The following RGL1 variants were observed in gnomAD, a reference collection of about 807,000 sequenced individuals.
The protein encoded by RGL1 is ral guanine nucleotide dissociation stimulator-like 1.
A neutral mutation model predicts 95.2 loss-of-function variants in RGL1; 24 were observed. The observed-to-expected ratio is 0.25, with a 90% CI of 0.18 to 0.35. The LOEUF (loss-of-function observed/expected upper bound fraction) is 0.35. Among genes scored for constraint, RGL1 ranks in the 10% least tolerant of loss-of-function variants. RGL1 has a pLI of 1.00. For missense variants in RGL1, 715 were observed against 936.3 expected (o/e 0.76, Z 3.08); for synonymous variants, 329 against 344.9 (o/e 0.95, Z 0.51).
chr1:183,900,302 T>A, intron 11 of RGL1, 66 bp downstream of exon 11: 2 of 1,258,534 alleles, frequency 1.6e-6, no homozygotes, highest in African/African-American at 1.5e-5. Flanking sequence ...AAAGAGTAGT[T>A]AACTTCTCTT....
At chr1:183,921,205 CT>C in intron 16 of RGL1, among the ~76,000 whole-genome samples, 1 of 152,286 alleles carries the variant, frequency 6.6e-6, no homozygotes, top group Non-Finnish European at 1.5e-5. Flanking sequence ...CGAGGGAAAC[CT>C]TTAACTTGTG....
chr1:183,865,881 C>T, intron 3 of RGL1, 115 bp from the exon 4 acceptor site: 1 of 712,196 alleles, frequency 1.4e-6, no homozygotes, highest in Non-Finnish European at 2.5e-6. Flanking sequence ...ATAGATATAT[C>T]TTTCCTTAAT....
At chr1:183,869,941 C>T (rs1284447699) in intron 4 of RGL1, among the ~76,000 whole-genome samples, 1 of 152,158 alleles carries the variant, frequency 6.6e-6, no homozygotes, top group African/African-American at 2.4e-5. Context: ...GGACATTTGC[C>T]AATGCCCTAC....
At chr1:183,654,968 C>T (rs1175459171) in intron 1 of RGL1, among the ~76,000 whole-genome samples, 1 of 152,202 alleles carries the variant, frequency 6.6e-6, no homozygotes, top group East Asian at 1.9e-4. Flanking sequence ...ACCATGGTTC[C>T]TGTTCACAGT....
At chr1:183,918,072 G>A (rs1669090777) in intron 16 of RGL1, among the ~76,000 whole-genome samples, 1 of 152,200 alleles carries the variant, frequency 6.6e-6, no homozygotes, top group African/African-American at 2.4e-5. Context: ...TTTGGTTACT[G>A]TTGTGGAGGA....
chr1:183,810,467 A>G (rs1052756089), intron 2 of RGL1, among the ~76,000 whole-genome samples: 1 of 152,220 alleles, frequency 6.6e-6, no homozygotes, highest in South Asian at 2.1e-4. Context: ...CGTTTCCCAC[A>G]TAGGCTCTTG....
intron 1 of RGL1, among the ~76,000 whole-genome samples, chr1:183,642,084 A>G (rs1345651438): frequency 6.6e-6 from 1 of 152,240 alleles, no homozygotes; most frequent in Non-Finnish European, 1.5e-5. Context: ...CTAGTAGCAT[A>G]TCTTAACTTC....
At chr1:183,694,708 T>C (rs1654158582) in intron 1 of RGL1, among the ~76,000 whole-genome samples, 1 of 152,246 alleles carries the variant, frequency 6.6e-6, no homozygotes, top group Non-Finnish European at 1.5e-5. Flanking sequence ...CAGATCTGGG[T>C]ACTACTGGGA....
At chr1:183,807,520 C>A (rs1316873885) in intron 2 of RGL1, among the ~76,000 whole-genome samples, 1 of 152,198 alleles carries the variant, frequency 6.6e-6, no homozygotes, top group African/African-American at 2.4e-5. Flanking sequence ...TGCACAGGGC[C>A]TCCTGTTAAG....
intron 13 of RGL1, among the ~76,000 whole-genome samples, 198 bp downstream of exon 13, chr1:183,905,169 C>T (rs2102709209): frequency 6.6e-6 from 1 of 152,284 alleles, no homozygotes; most frequent in Non-Finnish European, 1.5e-5. Flanking sequence ...CAGACTCTTG[C>T]TTGGCCACTT....
intron 16 of RGL1, 65 bp downstream of exon 16, chr1:183,916,766 C>A: frequency 2.6e-6 from 4 of 1,555,062 alleles, no homozygotes; most frequent in Non-Finnish European, 3.5e-6. Context: ...GTCTGTCGGC[C>A]GCTCAGACTA....
intron 1 of RGL1, among the ~76,000 whole-genome samples, chr1:183,718,350 G>A (rs979460212): frequency 2.6e-5 from 4 of 152,068 alleles, no homozygotes; most frequent in African/African-American, 9.7e-5. Context: ...TTAAAGGAAT[G>A]ACATAAGTTT....
intron 1 of RGL1, among the ~76,000 whole-genome samples, chr1:183,645,855 C>T (rs888097368): frequency 2.0e-5 from 3 of 152,336 alleles, no homozygotes; most frequent in Admixed American, 6.5e-5. Context: ...CCTGGACTTA[C>T]GACCTGTGAG....
intron 8 of RGL1, 39 bp downstream of exon 8, chr1:183,888,616 G>A: frequency 1.5e-6 from 2 of 1,322,720 alleles, no homozygotes; most frequent in Non-Finnish European, 2.2e-6. Flanking sequence ...TCTTTGGCCG[G>A]GATAATTAGT....
At chr1:183,745,725 T>A (rs963201365) in intron 2 of RGL1, among the ~76,000 whole-genome samples, 2 of 151,174 alleles carry the variant, frequency 1.3e-5, no homozygotes, top group African/African-American at 4.8e-5. Flanking sequence ...TTCAAGATTA[T>A]CTTGGTTGTT....
chr1:183,781,617 G>A (rs1179583176), intron 2 of RGL1, among the ~76,000 whole-genome samples: 1 of 152,054 alleles, frequency 6.6e-6, no homozygotes, highest in African/African-American at 2.4e-5. Flanking sequence ...AATCATGCAT[G>A]TACCTGAATG....
At chr1:183,640,855 A>G (rs543826779) in intron 1 of RGL1, among the ~76,000 whole-genome samples, 1 of 151,810 alleles carries the variant, frequency 6.6e-6, no homozygotes, top group Admixed American at 6.5e-5. Context: ...CTTTGTTCCT[A>G]TTTCAATTTC....
chr1:183,775,912 A>G (rs1168472570), intron 2 of RGL1, among the ~76,000 whole-genome samples: 1 of 152,240 alleles, frequency 6.6e-6, no homozygotes, highest in African/African-American at 2.4e-5. Context: ...TACCATGATT[A>G]TATATATTTG....
rs185919438 is a variant in RGL1 at position 183,820,880 on chromosome 1, G to C, written c.138+14395G>C. On this transcript the variant is annotated intron_variant, in intron 2 of 17. Coordinates refer to ENST00000360851, the MANE Select transcript of RGL1 (RefSeq NM_001297671.3). ...TCATGCCTGTAATCCCAGCACTTTGGGATTACATACACCAGGCTGAGGCTG... is the reference window on the plus strand; with the variant it reads ...TCATGCCTGTAATCCCAGCACTTTGCGATTACATACACCAGGCTGAGGCTG... Among the ~76,000 whole-genome samples, 11 of 152,158 alleles carry C rather than the reference G, an allele frequency of 7.2e-5. No individual in the cohort carries two copies. In the East Asian group the frequency reaches 2.1e-3, roughly 29 times the overall value.
Sources: allele counts gnomAD v4.1 joint callset (sites outside exome capture counted in the v4.1 genomes callset), GRCh38; gene constraint gnomAD v4.1.1; transcripts MANE v1.5; gene names NCBI Gene and HGNC (gene_info 2026-07-23, HGNC 2026-07-21).